CCDC125: variants seen among roughly 807,000 people sequenced by gnomAD.
CCDC125 encodes the protein coiled-coil domain containing 125, also known as coiled-coil domain-containing protein 125.
Under a neutral mutation model 57.4 loss-of-function variants are expected in CCDC125, and 43 were observed. That is an observed-to-expected ratio of 0.75 (90% CI 0.59 to 0.97). The LOEUF (loss-of-function observed/expected upper bound fraction) is 0.97. Ranked by LOEUF, CCDC125 falls within the 50% of genes least tolerant of loss-of-function variation. The pLI is 0.00. For synonymous variants in CCDC125, 187 were observed against 195.2 expected, an observed-to-expected ratio of 0.96 and a Z score of 0.35; for missense variants, 563 against 595.7, an observed-to-expected ratio of 0.95 and a Z score of 0.57.
intron 10 of CCDC125, among the ~76,000 whole-genome samples, chr5:69,287,702 T>G (rs1044053477): frequency 3.3e-5 from 5 of 151,444 alleles, no homozygotes; most frequent in African/African-American, 1.2e-4. Flanking sequence ...CCCTAGTAGC[T>G]GAGACCACAG....
chr5:69,320,816 C>T (rs1056306113), intron 1 of CCDC125, among the ~76,000 whole-genome samples: 4 of 151,140 alleles, frequency 2.6e-5, no homozygotes, highest in East Asian at 3.9e-4. Flanking sequence ...TGTGCGTGTG[C>T]GTGTGTACAC....
rs1580128106 is a variant in CCDC125, at chr5:69,307,628, G to A, written c.531+323C>T. The A allele has an allele frequency of 1.7e-5, 4 of 234,456 alleles. No homozygotes were observed. The South Asian group carries it at 2.7e-4, about 16-fold the overall frequency. 14.5% of individuals were successfully genotyped at this position (234,456 alleles called of 1,614,324 possible). On this transcript the variant is annotated intron_variant, in intron 5 of 11. Coordinates refer to ENST00000396496, the MANE Select transcript of CCDC125 (RefSeq NM_176816.5). The stretch of plus-strand genomic sequence containing the variant: ...ACCCGGGAGGCAGAGCTCGCAGTGA[G>A]TAGAGATCGCGCCACTGCACTCCAG...
At position 69,287,834 on chromosome 5, in the gene CCDC125, G is replaced by A. The variant is rs546389326; in HGVS notation, c.1100-2367C>T. Among the ~76,000 whole-genome samples the A allele has an allele frequency of 3.8e-4, 57 of 150,660 alleles. 1 individual carries two copies. The South Asian group carries it at 0.011, about 29-fold the overall frequency. Reference sequence around the variant, plus strand: ...TCCTCCTGCCTCAGCCTCCCAAAGCGCTGGGATTACAGGCATGAGCCACTG... The same window carrying A: ...TCCTCCTGCCTCAGCCTCCCAAAGCACTGGGATTACAGGCATGAGCCACTG... On this transcript the variant is annotated intron_variant, in intron 10 of 11. Transcript: ENST00000396496.
At chr5:69,332,098 A>T (rs1327075475) in intron 1 of CCDC125, among the ~76,000 whole-genome samples, 3 of 152,268 alleles carry the variant, frequency 2.0e-5, no homozygotes, top group Non-Finnish European at 4.4e-5. Context: ...CAAGTTGGTC[A>T]AACATGCCTA....
intron 7 of CCDC125, among the ~76,000 whole-genome samples, 161 bp from the exon 8 acceptor site, chr5:69,300,288 C>T (rs557444621): frequency 1.3e-5 from 2 of 152,164 alleles, no homozygotes; most frequent in African/African-American, 2.4e-5. Context: ...GTGAGTATCA[C>T]GTAAGATCAT....
chr5:69,294,222 A>G (rs1437494668), intron 9 of CCDC125: 1 of 653,940 alleles, frequency 1.5e-6, no homozygotes, highest in Non-Finnish European at 1.9e-6. Context: ...AGGGACATGT[A>G]TAGATGAGAA....
chr5:69,295,362 G>A (rs373340659), intron 8 of CCDC125, among the ~76,000 whole-genome samples: 4 of 152,090 alleles, frequency 2.6e-5, no homozygotes, highest in South Asian at 4.2e-4. Flanking sequence ...AATATATAAT[G>A]AGAAAAACAG....
At chr5:69,296,232 A>T (rs1755297850) in intron 8 of CCDC125, among the ~76,000 whole-genome samples, 1 of 151,738 alleles carries the variant, frequency 6.6e-6, no homozygotes, top group Non-Finnish European at 1.5e-5. Flanking sequence ...ATCCATCCTC[A>T]ACTTTTGTAC....
At chr5:69,306,397 T>C (rs1298256130) in intron 6 of CCDC125, among the ~76,000 whole-genome samples, 1 of 152,176 alleles carries the variant, frequency 6.6e-6, no homozygotes, top group Non-Finnish European at 1.5e-5. Flanking sequence ...GGCGCAATCA[T>C]GGCTCACTGC....
At chr5:69,307,716 C>A in intron 5 of CCDC125, 1 of 490,616 alleles carries the variant, frequency 2.0e-6, no homozygotes, top group Non-Finnish European at 3.6e-6. Flanking sequence ...ATGAGAAGTA[C>A]CAATTTGGCA....
chr5:69,315,291 G>A (rs979453745), intron 2 of CCDC125, among the ~76,000 whole-genome samples: 1 of 150,002 alleles, frequency 6.7e-6, no homozygotes, highest in African/African-American at 2.5e-5. Context: ...GGCTGGGCAC[G>A]GTGGCTTACA....
rs748632744 is a variant in CCDC125 at position 69,282,887 on chromosome 5, T to TA, written c.1377dup (p.Lys460Ter). On this transcript the variant is annotated frameshift_variant, in exon 12 of 12. Coordinates refer to ENST00000396496, the MANE Select transcript of CCDC125 (RefSeq NM_176816.5). LOFTEE classifies it low-confidence loss of function (END_TRUNC). ...CCCAAAACAGAGAATTCTGAAGTCTTACGCCAGGGGTTGTTGAAAGGGAAA... is the reference window on the plus strand; with the variant it reads ...CCCAAAACAGAGAATTCTGAAGTCTTAACGCCAGGGGTTGTTGAAAGGGAAA... 14 of 1,614,044 alleles carry TA rather than the reference T, an allele frequency of 8.7e-6. No homozygotes were observed. Among genetic ancestry groups the TA allele is most frequent in the South Asian group, 5.5e-5 (5 of 91,084 alleles).
chr5:69,323,321 A>T (rs1428465386), intron 1 of CCDC125, among the ~76,000 whole-genome samples: 3 of 151,884 alleles, frequency 2.0e-5, no homozygotes, highest in African/African-American at 4.8e-5. Context: ...AAAAAAAAAA[A>T]TTTGTTAATT....
At chr5:69,297,252 G>C (rs572995541) in intron 8 of CCDC125, among the ~76,000 whole-genome samples, 1 of 152,066 alleles carries the variant, frequency 6.6e-6, no homozygotes, top group South Asian at 2.1e-4. Flanking sequence ...TGGTGGTCAG[G>C]CTGGTCTCGA....
the CCDC125 span, among the ~76,000 whole-genome samples, chr5:69,273,771 A>G: frequency 2.8e-4 from 43 of 152,192 alleles, no homozygotes; most frequent in African/African-American, 1.0e-3. Context: ...TAAGCATACA[A>G]AATAGATTTT....
At chr5:69,298,803 T>C (rs71622284) in intron 8 of CCDC125, among the ~76,000 whole-genome samples, 1 of 152,196 alleles carries the variant, frequency 6.6e-6, no homozygotes, top group African/African-American at 2.4e-5. Flanking sequence ...TTTGCTATTA[T>C]ACTAGTTTTC....
At chr5:69,317,242 C>T (rs534944147) in intron 2 of CCDC125, among the ~76,000 whole-genome samples, 1 of 152,156 alleles carries the variant, frequency 6.6e-6, no homozygotes, top group Non-Finnish European at 1.5e-5. Context: ...AACTCCTGAC[C>T]TCATGATCCA....
chr5:69,315,233 G>A (rs1435998501), intron 2 of CCDC125, among the ~76,000 whole-genome samples: 13 of 149,898 alleles, frequency 8.7e-5, no homozygotes, highest in Admixed American at 7.4e-4. Context: ...TCCAGCCTGG[G>A]AGACAGAGCA....
intron 8 of CCDC125, among the ~76,000 whole-genome samples, chr5:69,295,562 T>C (rs1050915358): frequency 1.3e-5 from 2 of 152,098 alleles, no homozygotes; most frequent in African/African-American, 4.8e-5. Context: ...GTTCTGTAAA[T>C]GAGGAGGAGA....
Sources: gnomAD v4.1 joint callset for allele counts (sites outside exome capture counted in the v4.1 genomes callset) on GRCh38, gnomAD v4.1.1 for gene constraint, MANE v1.5 for transcripts, NCBI Gene and HGNC (gene_info 2026-07-23, HGNC 2026-07-21) for gene names.